Variants in EFCAB6 observed in about 807,000 individuals in gnomAD.
The protein encoded by EFCAB6 is EF-hand calcium binding domain 6.
EFCAB6 carries 156 observed loss-of-function variants against 169.8 expected under a neutral mutation model. That is an observed-to-expected ratio of 0.92 (90% CI 0.81 to 1.05). The LOEUF is 1.05. EFCAB6 is among the 50% of genes least tolerant of loss of function. The pLI is 0.00. For synonymous variants in EFCAB6, 698 were observed against 676.4 expected, an observed-to-expected ratio of 1.03 and a Z score of -0.50; for missense variants, 1,800 against 1,829.1, an observed-to-expected ratio of 0.98 and a Z score of 0.29.
rs936028973 is a variant in EFCAB6, at chr22:43,533,043, C to A, written c.4233+1645G>T. ...GTTTTGGAAGGGCTGGAGCTGACGC[C>A]ATGATGGCACTGGGTGTGGGTTTCA... On this transcript the variant is annotated intron_variant, in intron 30 of 31. Transcript: ENST00000262726. Among the ~76,000 whole-genome samples, 4 of 152,370 alleles carry A rather than the reference C, an allele frequency of 2.6e-5. No individual in the cohort carries two copies. In the East Asian group the frequency reaches 7.7e-4, roughly 29 times the overall value.
At position 43,592,402 on chromosome 22, in the gene EFCAB6, T is replaced by C. The variant is rs539422424; in HGVS notation, c.2877-2173A>G. The stretch of plus-strand genomic sequence containing the variant: ...TGATTACTCGTCATCACAACTATTA[T>C]ATTCCACTTAATCCTTCAAAATGAA... On this transcript the variant is annotated intron_variant, in intron 23 of 31. Transcript: ENST00000262726. 4.6e-5 allele frequency among the ~76,000 whole-genome samples: 7 copies of C among 152,372 alleles called. No individual in the cohort carries two copies. In the East Asian group the frequency reaches 9.6e-4, roughly 21 times the overall value.
intron 10 of EFCAB6, 99 bp from the exon 11 acceptor site, chr22:43,687,680 T>C (rs1011959910): frequency 3.0e-5 from 18 of 596,372 alleles, no homozygotes; most frequent in Non-Finnish European, 4.0e-5. Flanking sequence ...ATGGCAGCAA[T>C]GCATTTATAT....
At chr22:43,734,481 GA>G (rs1396944746) in intron 7 of EFCAB6, among the ~76,000 whole-genome samples, 4 of 152,078 alleles carry the variant, frequency 2.6e-5, no homozygotes, top group Admixed American at 6.6e-5. Context: ...TGGGGAAACA[GA>G]CAGTAACATT....
At chr22:43,643,548 G>A (rs1207649210) in intron 17 of EFCAB6, among the ~76,000 whole-genome samples, 1 of 152,226 alleles carries the variant, frequency 6.6e-6, no homozygotes, top group Non-Finnish European at 1.5e-5. Flanking sequence ...ACCCAGCTCT[G>A]GCAGCCAAGG....
chr22:43,694,945 T>C (rs1490481331), intron 10 of EFCAB6, among the ~76,000 whole-genome samples: 4 of 152,038 alleles, frequency 2.6e-5, no homozygotes, highest in Non-Finnish European at 4.4e-5. Flanking sequence ...TTCAACATTA[T>C]ACTTAACACT....
rs757644164 is a variant in EFCAB6 at position 43,711,641 on chromosome 22, T to TA, written c.883-19dup. 5 of 1,574,006 alleles carry TA rather than the reference T, an allele frequency of 3.2e-6. No homozygotes were observed. In the Admixed American group the frequency reaches 1.1e-4, roughly 34 times the overall value. On this transcript the variant is annotated intron_variant, in intron 9 of 31. Coordinates refer to ENST00000262726, the MANE Select transcript of EFCAB6 (RefSeq NM_022785.4). ...TTCGAAAGCTGCAATAAATTGAAAT[T>TA]AGAGTGTGGCGTTCATAAATATCAA... is the stretch of plus-strand genomic sequence containing the variant.
intron 17 of EFCAB6, among the ~76,000 whole-genome samples, chr22:43,657,400 C>T (rs1444223207): frequency 6.6e-6 from 1 of 151,278 alleles, no homozygotes; most frequent in African/African-American, 2.4e-5. Flanking sequence ...TCTCTGATCA[C>T]AATGGAATCA....
intron 2 of EFCAB6, among the ~76,000 whole-genome samples, chr22:43,793,102 C>G (rs186567139): frequency 1.3e-5 from 2 of 152,166 alleles, no homozygotes; most frequent in African/African-American, 4.8e-5. Context: ...GATAATCACC[C>G]GGAAATGCAC....
At chr22:43,613,375 G>A (rs897242731) in intron 21 of EFCAB6, among the ~76,000 whole-genome samples, 7 of 151,980 alleles carry the variant, frequency 4.6e-5, no homozygotes, top group South Asian at 2.1e-4. Flanking sequence ...GCCCATGAAC[G>A]GTAGACTGGA....
At chr22:43,539,433 A>G (rs899064832) in intron 28 of EFCAB6, among the ~76,000 whole-genome samples, 2 of 152,244 alleles carry the variant, frequency 1.3e-5, no homozygotes, top group Admixed American at 1.3e-4. Flanking sequence ...TAGGTGTGCA[A>G]TAAACTTGCA....
At chr22:43,553,013 T>C (rs762511293) in intron 27 of EFCAB6, 5 of 152,186 alleles carry the variant, frequency 3.3e-5, no homozygotes, top group Non-Finnish European at 7.3e-5. Context: ...CCAAAATGCT[T>C]GAGAAAGGTG....
intron 26 of EFCAB6, among the ~76,000 whole-genome samples, chr22:43,574,592 T>C (rs1046827861): frequency 6.6e-6 from 1 of 152,028 alleles, no homozygotes; most frequent in African/African-American, 2.4e-5. Context: ...TTTACGTATA[T>C]TTTTTGCATT....
intron 5 of EFCAB6, among the ~76,000 whole-genome samples, chr22:43,757,407 C>A (rs992418061): frequency 6.6e-6 from 1 of 151,900 alleles, no homozygotes; most frequent in East Asian, 1.9e-4. Flanking sequence ...ATTAGCCGGG[C>A]GTGGTAGGGC....
chr22:43,742,012 G>C (rs981095785), intron 6 of EFCAB6, among the ~76,000 whole-genome samples: 7 of 151,862 alleles, frequency 4.6e-5, no homozygotes, highest in African/African-American at 1.2e-4. Context: ...GGTAACAAAA[G>C]GGGAAAGGTC....
chr22:43,657,044 C>T (rs1248421735), intron 17 of EFCAB6, among the ~76,000 whole-genome samples: 2 of 152,116 alleles, frequency 1.3e-5, no homozygotes, highest in Non-Finnish European at 2.9e-5. Context: ...AATCCCAGTA[C>T]TTCGGGAGGC....
At chr22:43,796,810 T>C (rs1037192533) in intron 2 of EFCAB6, among the ~76,000 whole-genome samples, 2 of 152,184 alleles carry the variant, frequency 1.3e-5, no homozygotes, top group Non-Finnish European at 2.9e-5. Flanking sequence ...GTTCAGGAAC[T>C]AGAAGTCTTG....
intron 17 of EFCAB6, among the ~76,000 whole-genome samples, chr22:43,647,423 T>C (rs111492184): frequency 2.6e-5 from 4 of 152,350 alleles, no homozygotes; most frequent in East Asian, 3.9e-4. Flanking sequence ...TACAGATGTT[T>C]TGAGCATCTC....
At chr22:43,589,842 G>C (rs1442242091) in intron 24 of EFCAB6, among the ~76,000 whole-genome samples, 5 of 152,110 alleles carry the variant, frequency 3.3e-5, no homozygotes, top group African/African-American at 4.8e-5. Flanking sequence ...TTAAGAAATG[G>C]TGGCACTGCT....
chr22:43,562,529 G>A (rs376169303), intron 26 of EFCAB6, among the ~76,000 whole-genome samples: 13 of 144,998 alleles, frequency 9.0e-5, no homozygotes, highest in Admixed American at 6.2e-4. Context: ...GAGGCAGCCC[G>A]GTCAGGGGTG....
Sources: gnomAD v4.1 joint callset for allele counts (sites outside exome capture counted in the v4.1 genomes callset) on GRCh38, gnomAD v4.1.1 for gene constraint, MANE v1.5 for transcripts, NCBI Gene and HGNC (gene_info 2026-07-23, HGNC 2026-07-21) for gene names.